Variants in PBLD observed in about 807,000 individuals in gnomAD.
The protein encoded by PBLD is phenazine biosynthesis like protein domain containing, also known as phenazine biosynthesis-like domain-containing protein.
Under a neutral mutation model 31.3 loss-of-function variants are expected in PBLD, and 26 were observed. The ratio of observed to expected loss-of-function variants is 0.83; its 90% confidence interval spans 0.61 to 1.15. The LOEUF is 1.15. Ranked by LOEUF, PBLD falls within the 50% of genes most tolerant of loss-of-function variation. The pLI, the probability that PBLD is intolerant of heterozygous loss-of-function variation, is 0.00. For synonymous variants in PBLD, 114 were observed against 129.0 expected (o/e 0.88, Z 0.79); for missense variants, 307 against 351.7 (o/e 0.87, Z 1.02).
chr10:68,291,088 A>G (rs41454844), intron 6 of PBLD, among the ~76,000 whole-genome samples: 1 of 152,140 alleles, frequency 6.6e-6, no homozygotes, highest in Non-Finnish European at 1.5e-5. Context: ...CCCAAGTAGT[A>G]CTCACAATAG....
rs1053570001 is a variant in PBLD at position 68,305,416 on chromosome 10, T to C, written c.84+1345A>G. Among the ~76,000 whole-genome samples the C allele has an allele frequency of 2.0e-5, 3 of 151,342 alleles. No homozygotes were observed. The East Asian group carries it at 5.9e-4, about 30-fold the overall frequency. On this transcript the variant is annotated intron_variant, in intron 2 of 9. Transcript: ENST00000358769. ...GCAAGAGCCACCACACCCAGCCCAG[T>C]TCTCCATCATGATTGCACACTGGAA...
chr10:68,323,322 G>A (rs1402385771), intron 1 of PBLD, among the ~76,000 whole-genome samples: 4 of 151,940 alleles, frequency 2.6e-5, no homozygotes, highest in African/African-American at 9.7e-5. Flanking sequence ...AGCACTTTGG[G>A]AGGCCAAAGT....
chr10:68,296,225 C>A, intron 4 of PBLD, 41 bp downstream of exon 4: 3 of 1,451,852 alleles, frequency 2.1e-6, no homozygotes, highest in African/African-American at 1.4e-5. Context: ...AAAAAAAAGC[C>A]ATTTGCTAAG....
intron 4 of PBLD, 120 bp downstream of exon 4, chr10:68,296,146 G>A: frequency 1.4e-6 from 1 of 712,706 alleles, no homozygotes; most frequent in Non-Finnish European, 2.3e-6. Flanking sequence ...ATAGCATGAA[G>A]TAAACTCTGC....
At chr10:68,313,117 G>T (rs1390363463) in intron 1 of PBLD, among the ~76,000 whole-genome samples, 1 of 152,120 alleles carries the variant, frequency 6.6e-6, no homozygotes, top group African/African-American at 2.4e-5. Flanking sequence ...TTCTCGCCAT[G>T]TTGCCCAAGC....
At position 68,292,053 on chromosome 10, in the gene PBLD, A is replaced by G. The variant is rs3835100; in HGVS notation, c.394-14T>C. ...TTCATGGAAGTCCTAGATGGGGGGA[A>G]AAAAAACAAAATTATTATAAAACAG... On this transcript the variant is annotated splice_polypyrimidine_tract_variant and intron_variant, in intron 5 of 9. Coordinates refer to ENST00000358769, the MANE Select transcript of PBLD (RefSeq NM_022129.4). 0.84 allele frequency: 1,337,417 copies of G among 1,599,782 alleles called. 561,799 individuals are homozygous for G. The highest frequency in any genetic ancestry group is 0.86 in the Non-Finnish European group (1,007,692 of 1,169,082).
At chr10:68,290,712 G>A (rs1035199370) in intron 6 of PBLD, among the ~76,000 whole-genome samples, 6 of 152,046 alleles carry the variant, frequency 3.9e-5, no homozygotes, top group African/African-American at 7.3e-5. Context: ...AGCAAACTCC[G>A]TCTCAAATAA....
intron 1 of PBLD, among the ~76,000 whole-genome samples, chr10:68,325,153 A>G (rs778020718): frequency 5.3e-4 from 81 of 152,036 alleles, no homozygotes; most frequent in Non-Finnish European, 7.5e-4. Flanking sequence ...CTGAGGCAGG[A>G]GAATTGCTTG....
Position 68,288,526 on chromosome 10 carries a change from T to C in PBLD, c.648A>G (p.Arg216=), listed in dbSNP as rs752378811. The C allele has an allele frequency of 3.7e-6, 6 of 1,614,184 alleles. No individual in the cohort carries two copies. The South Asian group carries it at 6.6e-5, about 18-fold the overall frequency. Residue 216 remains arginine, a synonymous_variant, in exon 8 of 10, where the codon AGA becomes AGG. Transcript: ENST00000358769. Reference sequence around the variant, plus strand: ...CCACACCAACCCACGGTGCAAAATATCTTGAGTAAAAGTCAAATGCTTGGG... The same window carrying C: ...CCACACCAACCCACGGTGCAAAATACCTTGAGTAAAAGTCAAATGCTTGGG... The part of the protein sequence containing the change: ...GQTQAFDFYS[R]YFAPWVGVAE...
chr10:68,310,080 G>A (rs1048430062), intron 1 of PBLD, among the ~76,000 whole-genome samples: 2 of 149,608 alleles, frequency 1.3e-5, no homozygotes, highest in Non-Finnish European at 3.0e-5. Context: ...AGGTTGCAGT[G>A]AGCTGAGATT....
chr10:68,301,157 A>T (rs935326856), intron 2 of PBLD, among the ~76,000 whole-genome samples: 1 of 152,122 alleles, frequency 6.6e-6, no homozygotes, highest in African/African-American at 2.4e-5. Context: ...CGGCCTCCCA[A>T]AGTGCTGAGA....
At chr10:68,320,494 C>T (rs1290428352) in intron 1 of PBLD, among the ~76,000 whole-genome samples, 1 of 152,100 alleles carries the variant, frequency 6.6e-6, no homozygotes, top group Non-Finnish European at 1.5e-5. Flanking sequence ...CAAAGATGCT[C>T]AAGTCCATTA....
chr10:68,316,938 C>T (rs553138848), intron 1 of PBLD, among the ~76,000 whole-genome samples: 99 of 152,200 alleles, frequency 6.5e-4, no homozygotes, highest in Non-Finnish European at 1.0e-3. Flanking sequence ...GCTTGAGACC[C>T]GGAGATGGAG....
At chr10:68,306,685 T>TA in intron 2 of PBLD, 76 bp downstream of exon 2, 1 of 1,337,812 alleles carries the variant, frequency 7.5e-7, no homozygotes. Context: ...CAGGTGAAAC[T>TA]AGTCTTTTAA....
chr10:68,320,825 T>A (rs2044824914), intron 1 of PBLD, among the ~76,000 whole-genome samples: 1 of 150,820 alleles, frequency 6.6e-6, no homozygotes, highest in African/African-American at 2.4e-5. Context: ...AACCCCCTTT[T>A]TTTTTTTTTT....
At chr10:68,297,038 CTT>C (rs1176297044) in intron 2 of PBLD, 53 bp from the exon 3 acceptor site, 1 of 1,347,572 alleles carries the variant, frequency 7.4e-7, no homozygotes, top group African/African-American at 1.4e-5. Flanking sequence ...ATCAGACTTC[CTT>C]TGGACAACAA....
chr10:68,319,787 T>C (rs1356828803), intron 1 of PBLD, among the ~76,000 whole-genome samples: 1 of 151,714 alleles, frequency 6.6e-6, no homozygotes, highest in Non-Finnish European at 1.5e-5. Context: ...AGACAAACTT[T>C]TTAATTTTTA....
chr10:68,299,022 G>C (rs1429470987), intron 2 of PBLD, among the ~76,000 whole-genome samples: 2 of 140,084 alleles, frequency 1.4e-5, no homozygotes, highest in Admixed American at 8.0e-5. Flanking sequence ...CAGGCGAGTT[G>C]CTTGAACCTG....
chr10:68,293,599 G>T (rs1431418797), intron 4 of PBLD, among the ~76,000 whole-genome samples: 3 of 152,148 alleles, frequency 2.0e-5, no homozygotes, highest in Non-Finnish European at 4.4e-5. Context: ...TATTTACAAA[G>T]CATTTTTTCA....
Sources: gnomAD v4.1 joint callset for allele counts (sites outside exome capture counted in the v4.1 genomes callset) on GRCh38, gnomAD v4.1.1 for gene constraint, MANE v1.5 for transcripts, NCBI Gene and HGNC (gene_info 2026-07-23, HGNC 2026-07-21) for gene names.